The following PITPNM3 variants were observed in gnomAD, a reference collection of about 807,000 sequenced individuals.
The protein encoded by PITPNM3 is PITPNM family member 3.
A neutral mutation model predicts 102.0 loss-of-function variants in PITPNM3; 26 were observed. That is an observed-to-expected ratio of 0.25 (90% CI 0.19 to 0.35). The LOEUF is 0.35. PITPNM3 is among the 10% of genes least tolerant of loss of function. PITPNM3 has a pLI of 1.00. For missense variants in PITPNM3, 1,083 were observed against 1,346.1 expected (o/e 0.80, Z 3.06); for synonymous variants, 578 against 558.6 (o/e 1.03, Z -0.49).
In PITPNM3 at chr17:6,453,057, TGC is replaced by T. The variant is rs1913930455; in HGVS notation, c.*2279_*2280del. On this transcript the variant is annotated 3_prime_UTR_variant, in exon 20 of 20. Coordinates refer to ENST00000262483, the MANE Select transcript of PITPNM3 (RefSeq NM_031220.4). ...GTCTTTCTTTCTCCCTCTCTCTCTC[TGC>T]CTTCCTCTCTCTGTCTTCCTTTCTT... The T allele has an allele frequency of 6.6e-6, 1 of 150,568 alleles. No individual in the cohort carries two copies. Among genetic ancestry groups the T allele is most frequent in the African/African-American group, 2.4e-5 (1 of 40,922 alleles). The allele number at this position is 150,568 out of a possible 1,614,324, so 9.3% of individuals were successfully genotyped here.
intron 1 of PITPNM3, among the ~76,000 whole-genome samples, chr17:6,546,757 C>T (rs928149982): frequency 2.0e-5 from 3 of 152,246 alleles, no homozygotes; most frequent in African/African-American, 7.2e-5. Context: ...GTAATCCCAG[C>T]ACTTTGGGAG....
At chr17:6,485,228 G>A (rs1322215869) in intron 4 of PITPNM3, among the ~76,000 whole-genome samples, 3 of 148,644 alleles carry the variant, frequency 2.0e-5, no homozygotes, top group South Asian at 2.1e-4. Flanking sequence ...GTGCAATCTC[G>A]GCTCACTGCA....
At chr17:6,550,583 G>C (rs1446070898) in intron 1 of PITPNM3, among the ~76,000 whole-genome samples, 1 of 152,170 alleles carries the variant, frequency 6.6e-6, no homozygotes, top group Non-Finnish European at 1.5e-5. Context: ...AAAGGGTCTG[G>C]TCTCTGTCTC....
Position 6,464,069 on chromosome 17 carries a change from G to T in PITPNM3, c.2156+101C>A, listed in dbSNP as rs58747673. 5,781 of 1,581,790 alleles carry T rather than the reference G, an allele frequency of 3.7e-3. 196 individuals are homozygous for T. The African/African-American group carries it at 0.067, about 18-fold the overall frequency. The stretch of plus-strand genomic sequence containing the variant: ...CTCTGTCCATGCAGACAGAGATGGG[G>T]GCCCACAAAGAACCCCAAGGACCCC... On this transcript the variant is annotated intron_variant, in intron 16 of 19. Transcript: ENST00000262483.
At chr17:6,545,384 A>T (rs973732047) in intron 1 of PITPNM3, among the ~76,000 whole-genome samples, 3 of 152,106 alleles carry the variant, frequency 2.0e-5, no homozygotes, top group Admixed American at 6.5e-5. Context: ...GGGCCCCTGG[A>T]ATGGGAGCCT....
chr17:6,476,958 T>C, intron 9 of PITPNM3, 71 bp downstream of exon 9: 1 of 1,553,460 alleles, frequency 6.4e-7, no homozygotes, highest in Non-Finnish European at 8.8e-7. Flanking sequence ...GCCTGGGACA[T>C]CTGACTGGTC....
intron 1 of PITPNM3, among the ~76,000 whole-genome samples, chr17:6,548,662 C>T (rs547654520): frequency 9.2e-5 from 14 of 152,252 alleles, no homozygotes; most frequent in Admixed American, 2.0e-4. Flanking sequence ...GACTCTAGAA[C>T]AAGTGAAAGC....
intron 1 of PITPNM3, among the ~76,000 whole-genome samples, chr17:6,544,643 C>CTT (rs1374411811): frequency 5.9e-4 from 68 of 115,208 alleles, no homozygotes; most frequent in Non-Finnish European, 3.1e-4. Flanking sequence ...CTCTCTCTCT[C>CTT]TCTCTCTCTC....
chr17:6,553,710 G>A (rs900789887), intron 1 of PITPNM3, among the ~76,000 whole-genome samples: 1 of 152,044 alleles, frequency 6.6e-6, no homozygotes, highest in African/African-American at 2.4e-5. Flanking sequence ...CTCCACTCCT[G>A]GCCTTCAGCA....
At chr17:6,500,588 G>T (rs1907109896) in intron 4 of PITPNM3, among the ~76,000 whole-genome samples, 1 of 151,952 alleles carries the variant, frequency 6.6e-6, no homozygotes, top group Non-Finnish European at 1.5e-5. Context: ...GGTTCATTTG[G>T]GCATCCCCAA....
chr17:6,516,947 G>A (rs1192292198), intron 3 of PITPNM3, among the ~76,000 whole-genome samples: 1 of 152,140 alleles, frequency 6.6e-6, no homozygotes, highest in Non-Finnish European at 1.5e-5. Flanking sequence ...ACAAAGGAAT[G>A]AGAATCAAAT....
At chr17:6,552,762 C>CTT (rs34225911) in intron 1 of PITPNM3, among the ~76,000 whole-genome samples, 211 of 88,978 alleles carry the variant, frequency 2.4e-3, no homozygotes, top group East Asian at 2.5e-3. Flanking sequence ...CTTTCTTTTT[C>CTT]TTTTTTTTTT....
chr17:6,508,711 G>A (rs1907689875), intron 3 of PITPNM3, among the ~76,000 whole-genome samples: 3 of 152,198 alleles, frequency 2.0e-5, no homozygotes, highest in South Asian at 4.1e-4. Context: ...AGCGCAGCCT[G>A]AGCCAGGCAT....
chr17:6,530,347 C>T (rs1487280842), intron 2 of PITPNM3, among the ~76,000 whole-genome samples: 1 of 152,208 alleles, frequency 6.6e-6, no homozygotes, highest in Non-Finnish European at 1.5e-5. Context: ...GAAATTTCGT[C>T]TGTAAAATGG....
At chr17:6,516,341 A>G (rs1908174860) in intron 3 of PITPNM3, among the ~76,000 whole-genome samples, 1 of 151,974 alleles carries the variant, frequency 6.6e-6, no homozygotes, top group Non-Finnish European at 1.5e-5. Flanking sequence ...TGGCGGGCGG[A>G]TCATGAGGTC....
intron 4 of PITPNM3, among the ~76,000 whole-genome samples, chr17:6,494,938 C>A (rs1906713902): frequency 6.6e-6 from 1 of 151,750 alleles, no homozygotes. Context: ...ATGCCCATTG[C>A]AAAAAACAAC....
rs748261011 is a variant in PITPNM3, at chr17:6,457,702, C to T, written c.2511G>A (p.Ala837=). ...LMQECFIKIS[A]AYGSTKDISV... ...AGATGTCCTTCGTGGAGCCATAGGC[C>T]GCACTGATTTTGATGAAGCACTGAA... Residue 837 remains alanine (A), a synonymous_variant, in exon 19 of 20, where the codon GCG becomes GCA. Coordinates refer to ENST00000262483, the MANE Select transcript of PITPNM3 (RefSeq NM_031220.4). This position sits in a 1 kb window ranked among gnomAD's most constrained non-coding sequence, Gnocchi z 4.7. The T allele has an allele frequency of 1.2e-5, 19 of 1,593,934 alleles. No homozygotes were observed. The highest frequency in any genetic ancestry group is 2.7e-5 in the African/African-American group (2 of 74,622).
At chr17:6,467,094 C>T (rs1428205915) in intron 14 of PITPNM3, among the ~76,000 whole-genome samples, 1 of 77,996 alleles carries the variant, frequency 1.3e-5, no homozygotes, top group Non-Finnish European at 3.0e-5. Context: ...AAAAAAAAAA[C>T]AGGTGAAAAC....
intron 1 of PITPNM3, among the ~76,000 whole-genome samples, chr17:6,540,281 T>C (rs1939182375): frequency 6.6e-6 from 1 of 152,220 alleles, no homozygotes; most frequent in African/African-American, 2.4e-5. Flanking sequence ...TCGCAAAGCT[T>C]ACATTCTGCA....
Sources: allele counts gnomAD v4.1 joint callset (sites outside exome capture counted in the v4.1 genomes callset), GRCh38; gene constraint gnomAD v4.1.1; non-coding constraint Gnocchi (gnomAD v3.1); transcripts MANE v1.5; gene names NCBI Gene and HGNC (gene_info 2026-07-23, HGNC 2026-07-21).